The following KCNN2 variants were observed in gnomAD, a reference collection of about 807,000 sequenced individuals.
The protein encoded by KCNN2 is potassium calcium-activated channel subfamily N member 2.
Under a neutral mutation model 55.5 loss-of-function variants are expected in KCNN2, and 24 were observed. The observed-to-expected ratio is 0.43, with a 90% CI of 0.31 to 0.61. KCNN2 has a LOEUF of 0.61. Among genes scored for constraint, KCNN2 ranks in the 20% least tolerant of loss-of-function variants. The pLI is 0.08. For missense variants in KCNN2, 754 were observed against 853.6 expected (o/e 0.88, Z 1.45); for synonymous variants, 431 against 336.1 (o/e 1.28, Z -3.09).
intron 1 of KCNN2, among the ~76,000 whole-genome samples, chr5:114,146,014 T>C (rs572489766): frequency 1.3e-5 from 2 of 152,214 alleles, no homozygotes; most frequent in Non-Finnish European, 2.9e-5. Flanking sequence ...CAGGACACAA[T>C]TTCAGGTGTC....
At chr5:114,162,395 G>A (rs1225124846) in intron 1 of KCNN2, among the ~76,000 whole-genome samples, 3 of 152,158 alleles carry the variant, frequency 2.0e-5, no homozygotes, top group Non-Finnish European at 4.4e-5. Flanking sequence ...GGCCGTTTGA[G>A]GTGTCAGTCC....
chr5:114,231,396 T>C (rs1289342817), intron 2 of KCNN2, among the ~76,000 whole-genome samples: 1 of 140,356 alleles, frequency 7.1e-6, no homozygotes, highest in Non-Finnish European at 1.5e-5. Context: ...TAGGTTTTCT[T>C]CTAGGGTTTT....
chr5:114,334,476 T>A (rs1354981964), intron 2 of KCNN2, among the ~76,000 whole-genome samples: 1 of 152,000 alleles, frequency 6.6e-6, no homozygotes. Context: ...TATAGATATA[T>A]ATACACACAT....
chr5:114,179,157 A>G (rs1753189955), intron 1 of KCNN2, among the ~76,000 whole-genome samples: 1 of 152,212 alleles, frequency 6.6e-6, no homozygotes, highest in South Asian at 2.1e-4. Flanking sequence ...GGTCAGCAAT[A>G]TGGATATGGC....
intron 3 of KCNN2, among the ~76,000 whole-genome samples, chr5:114,435,864 T>A (rs1338811233): frequency 6.6e-6 from 1 of 152,202 alleles, no homozygotes; most frequent in Non-Finnish European, 1.5e-5. Flanking sequence ...TGGGTTATCT[T>A]CAAGAAGGCA....
At chr5:114,227,735 T>C (rs2112599809) in intron 2 of KCNN2, among the ~76,000 whole-genome samples, 1 of 152,326 alleles carries the variant, frequency 6.6e-6, no homozygotes, top group African/African-American at 2.4e-5. Flanking sequence ...AGCTGTATGA[T>C]ATTATTTCTG....
At chr5:114,163,284 A>G (rs779719776) in intron 1 of KCNN2, among the ~76,000 whole-genome samples, 1 of 151,994 alleles carries the variant, frequency 6.6e-6, no homozygotes, top group Non-Finnish European at 1.5e-5. Context: ...CCCTTTATTT[A>G]TTTCTCTTGC....
chr5:114,099,305 A>G (rs1751327835), intron 1 of KCNN2, among the ~76,000 whole-genome samples: 1 of 152,130 alleles, frequency 6.6e-6, no homozygotes, highest in South Asian at 2.1e-4. Flanking sequence ...TAGCATTATA[A>G]AAAATCACCA....
intron 3 of KCNN2, among the ~76,000 whole-genome samples, chr5:114,428,472 A>G (rs145254412): frequency 5.2e-4 from 79 of 152,262 alleles, no homozygotes; most frequent in African/African-American, 1.8e-3. Flanking sequence ...TTAGAAAAAC[A>G]TGTTTTAAGC....
intron 2 of KCNN2, among the ~76,000 whole-genome samples, chr5:114,366,013 AATTC>A (rs1297658631): frequency 1.3e-5 from 2 of 152,244 alleles, no homozygotes; most frequent in Admixed American, 1.3e-4. Flanking sequence ...TTTTTGAAGT[AATTC>A]ATAGGAGTCT....
chr5:114,268,961 A>G (rs1455471790), intron 2 of KCNN2, among the ~76,000 whole-genome samples: 1 of 151,786 alleles, frequency 6.6e-6, no homozygotes, highest in Non-Finnish European at 1.5e-5. Context: ...TTCTCTGAGG[A>G]TCCTGAGAGA....
intron 1 of KCNN2, among the ~76,000 whole-genome samples, chr5:114,121,650 G>A (rs1442093998): frequency 6.6e-6 from 1 of 152,158 alleles, no homozygotes; most frequent in African/African-American, 2.4e-5. Flanking sequence ...CCTGGTAGTG[G>A]CTGCACCTAT....
intron 1 of KCNN2, among the ~76,000 whole-genome samples, chr5:114,057,351 T>C (rs1333502595): frequency 6.6e-6 from 1 of 152,246 alleles, no homozygotes; most frequent in Non-Finnish European, 1.5e-5. Flanking sequence ...AGTACTATTA[T>C]GTCTTTTTTA....
intron 1 of KCNN2, among the ~76,000 whole-genome samples, chr5:114,219,440 G>C (rs1214566281): frequency 1.3e-5 from 2 of 152,142 alleles, no homozygotes; most frequent in Non-Finnish European, 2.9e-5. Context: ...CCGCAGGAAG[G>C]GGAGCTGAAA....
At position 114,195,517 on chromosome 5, in the gene KCNN2, G is replaced by A. The variant is rs562623828; in HGVS notation, c.-270-25963G>A. Reference sequence around the variant, plus strand: ...GTGTATAGAAATTCAATAGATTTTTGTATATTTATCTTTTATCCTTGAACT... The same window carrying A: ...GTGTATAGAAATTCAATAGATTTTTATATATTTATCTTTTATCCTTGAACT... On this transcript the variant is annotated intron_variant, in intron 1 of 10. Coordinates refer to the KCNN2 transcript ENST00000512097. Among the ~76,000 whole-genome samples the A allele has an allele frequency of 2.4e-4, 36 of 151,818 alleles. No individual in the cohort carries two copies. In the South Asian group the frequency reaches 7.3e-3, roughly 31 times the overall value.
chr5:114,291,687 A>G (rs369799652), intron 2 of KCNN2, among the ~76,000 whole-genome samples: 2 of 152,164 alleles, frequency 1.3e-5, no homozygotes, highest in Non-Finnish European at 2.9e-5. Flanking sequence ...ATGATTTATA[A>G]TCCTTTGGGT....
chr5:114,196,977 C>T (rs934766658), intron 1 of KCNN2, among the ~76,000 whole-genome samples: 6 of 151,982 alleles, frequency 3.9e-5, no homozygotes, highest in African/African-American at 1.4e-4. Flanking sequence ...GAAGCATTTA[C>T]AGTTATAAAT....
chr5:114,367,325 C>G (rs1027919953), intron 2 of KCNN2, among the ~76,000 whole-genome samples: 1 of 152,142 alleles, frequency 6.6e-6, no homozygotes, highest in Non-Finnish European at 1.5e-5. Flanking sequence ...TACTTTTATA[C>G]CTCACTACCA....
At chr5:114,186,332 A>G (rs1753330549) in intron 1 of KCNN2, among the ~76,000 whole-genome samples, 1 of 152,164 alleles carries the variant, frequency 6.6e-6, no homozygotes, top group Non-Finnish European at 1.5e-5. Context: ...GTATTTTCTT[A>G]TATTAGCTCA....
Sources: gnomAD v4.1 joint callset for allele counts (sites outside exome capture counted in the v4.1 genomes callset) on GRCh38, gnomAD v4.1.1 for gene constraint, MANE v1.5 for transcripts, NCBI Gene and HGNC (gene_info 2026-07-23, HGNC 2026-07-21) for gene names.